The following TRABD2B variants were observed in gnomAD, a reference collection of about 807,000 sequenced individuals.
The protein encoded by TRABD2B is metalloprotease TIKI2.
Under a neutral mutation model 40.1 loss-of-function variants are expected in TRABD2B, and 14 were observed. The ratio of observed to expected loss-of-function variants is 0.35; its 90% CI spans 0.23 to 0.55. The LOEUF (loss-of-function observed/expected upper bound fraction) is 0.55, where lower values mean the gene tolerates loss of function less well. Among genes scored for constraint, TRABD2B ranks in the 20% least tolerant of loss-of-function variants. The pLI is 0.90. For synonymous variants in TRABD2B, 263 were observed against 277.0 expected, an observed-to-expected ratio of 0.95 and a Z score of 0.50; for missense variants, 541 against 648.6, an observed-to-expected ratio of 0.83 and a Z score of 1.80.
intron 2 of TRABD2B, among the ~76,000 whole-genome samples, chr1:47,957,295 T>A (rs1246907780): frequency 6.6e-6 from 1 of 151,882 alleles, no homozygotes; most frequent in African/African-American, 2.4e-5. Flanking sequence ...AAAATCAGAG[T>A]GTCTCTTCTC....
At chr1:47,931,293 T>C (rs776810914) in intron 2 of TRABD2B, among the ~76,000 whole-genome samples, 1 of 152,204 alleles carries the variant, frequency 6.6e-6, no homozygotes, top group South Asian at 2.1e-4. Context: ...GGAAGAACTT[T>C]AGAGAGCCTC....
At chr1:47,776,728 C>T (rs930663983) in intron 5 of TRABD2B, among the ~76,000 whole-genome samples, 1 of 152,132 alleles carries the variant, frequency 6.6e-6, no homozygotes, top group East Asian at 1.9e-4. Context: ...GTACCCAAGA[C>T]AGCAGGCAGG....
At chr1:47,911,301 G>A (rs1644759794) in intron 2 of TRABD2B, among the ~76,000 whole-genome samples, 1 of 152,178 alleles carries the variant, frequency 6.6e-6, no homozygotes. Context: ...TGACCCTTGA[G>A]GACCCACTCT....
chr1:47,844,110 G>A (rs1291132961), intron 2 of TRABD2B, among the ~76,000 whole-genome samples: 1 of 152,212 alleles, frequency 6.6e-6, no homozygotes, highest in Non-Finnish European at 1.5e-5. Context: ...TTTGGGTGCA[G>A]CAACCAGTTA....
intron 2 of TRABD2B, among the ~76,000 whole-genome samples, chr1:47,962,544 A>G (rs1645536637): frequency 6.6e-6 from 1 of 152,090 alleles, no homozygotes; most frequent in African/African-American, 2.4e-5. Flanking sequence ...CTTAATAATA[A>G]TATCAGCATG....
chr1:47,792,987 G>A (rs538033671), intron 4 of TRABD2B, among the ~76,000 whole-genome samples: 5 of 152,144 alleles, frequency 3.3e-5, no homozygotes, highest in African/African-American at 1.2e-4. Context: ...TGAGGGAGTG[G>A]GAGGGGACTC....
intron 2 of TRABD2B, among the ~76,000 whole-genome samples, chr1:47,873,962 A>C (rs1168515763): frequency 6.6e-6 from 1 of 152,168 alleles, no homozygotes; most frequent in Non-Finnish European, 1.5e-5. Flanking sequence ...TAGGAGAAAA[A>C]TGTGTGACTG....
chr1:47,775,680 A>C (rs1338368750), intron 5 of TRABD2B, among the ~76,000 whole-genome samples: 1 of 152,168 alleles, frequency 6.6e-6, no homozygotes, highest in African/African-American at 2.4e-5. Context: ...TGTCCCAGGC[A>C]CTTTTTTAGG....
intron 2 of TRABD2B, among the ~76,000 whole-genome samples, chr1:47,977,718 A>G (rs561788208): frequency 3.3e-4 from 50 of 150,936 alleles, no homozygotes; most frequent in African/African-American, 1.2e-3. Flanking sequence ...AGGAACCAAG[A>G]GGAAGGACAG....
chr1:47,791,570 G>A (rs1644672971), intron 4 of TRABD2B, among the ~76,000 whole-genome samples: 1 of 152,110 alleles, frequency 6.6e-6, no homozygotes, highest in Admixed American at 6.5e-5. Flanking sequence ...GAGTCCCAGG[G>A]TCCCCACTGC....
chr1:47,913,088 T>A (rs1557653476), intron 2 of TRABD2B, among the ~76,000 whole-genome samples: 1 of 152,204 alleles, frequency 6.6e-6, no homozygotes, highest in Admixed American at 6.5e-5. Flanking sequence ...AGCTCCATGC[T>A]CTGTAGCCCT....
At chr1:47,824,174 C>G (rs1480314508) in intron 2 of TRABD2B, among the ~76,000 whole-genome samples, 1 of 152,178 alleles carries the variant, frequency 6.6e-6, no homozygotes, top group African/African-American at 2.4e-5. Flanking sequence ...ATAAGGACAT[C>G]ACCCAGCACA....
rs113158741 is a variant in TRABD2B, at chr1:47,968,337, C to T, written c.666+25697G>A. 8.5e-3 allele frequency among the ~76,000 whole-genome samples: 1,288 copies of T among 152,312 alleles called. 30 individuals carry two copies. The highest frequency in any genetic ancestry group is 0.03 in the African/African-American group (1,243 of 41,572). On this transcript the variant is annotated intron_variant, in intron 2 of 6. Transcript: ENST00000606738. ...GAAGGTAAACTGCAGGCTGCTCCTA[C>T]GACAACCACTATGGTTTTACTCCCC...
At chr1:47,766,631 C>T (rs1438217937) in intron 6 of TRABD2B, among the ~76,000 whole-genome samples, 3 of 152,214 alleles carry the variant, frequency 2.0e-5, no homozygotes, top group Admixed American at 2.0e-4. Flanking sequence ...ATCCTCATAA[C>T]AAGCCTTCAA....
chr1:47,840,396 G>T (rs981130140), intron 2 of TRABD2B, among the ~76,000 whole-genome samples: 4 of 152,198 alleles, frequency 2.6e-5, no homozygotes, highest in African/African-American at 9.7e-5. Flanking sequence ...AGTCAAGCTG[G>T]TAAGTGGTAC....
At chr1:47,957,754 G>A (rs1319741051) in intron 2 of TRABD2B, among the ~76,000 whole-genome samples, 1 of 152,182 alleles carries the variant, frequency 6.6e-6, no homozygotes, top group Non-Finnish European at 1.5e-5. Context: ...GAAAGTGACG[G>A]GGAGAATGGA....
intron 2 of TRABD2B, among the ~76,000 whole-genome samples, chr1:47,912,591 A>T (rs1386762855): frequency 6.6e-6 from 1 of 152,146 alleles, no homozygotes. Flanking sequence ...CTAGTGGAAA[A>T]ACAATTTGTA....
intron 2 of TRABD2B, among the ~76,000 whole-genome samples, chr1:47,887,842 C>T (rs894226609): frequency 6.6e-6 from 1 of 152,312 alleles, no homozygotes; most frequent in South Asian, 2.1e-4. Flanking sequence ...TGGGTGCTCC[C>T]CGCCACCCCT....
chr1:47,796,263 A>T (rs918569826), intron 3 of TRABD2B, among the ~76,000 whole-genome samples: 3 of 152,046 alleles, frequency 2.0e-5, no homozygotes, highest in Non-Finnish European at 2.9e-5. Context: ...TCCAACCTCC[A>T]AGCTCCTGCT....
Sources: allele counts gnomAD v4.1 joint callset (sites outside exome capture counted in the v4.1 genomes callset), GRCh38; gene constraint gnomAD v4.1.1; transcripts MANE v1.5; gene names NCBI Gene and HGNC (gene_info 2026-07-23, HGNC 2026-07-21).